Variants in CHLSN observed in about 807,000 individuals in gnomAD.
CHLSN encodes cholesin.
chr7:1,020,614 G>A, the CHLSN span, among the ~76,000 whole-genome samples: 856 of 152,334 alleles, frequency 5.6e-3, 10 homozygotes, highest in African/African-American at 0.019. Context: ...AGACCAAGAT[G>A]ATGTAAGGAA....
At chr7:1,060,964 G>C in the CHLSN span, among the ~76,000 whole-genome samples, 1 of 152,268 alleles carries the variant, frequency 6.6e-6, no homozygotes, top group South Asian at 2.1e-4. Flanking sequence ...CAGCTCTGCA[G>C]GGTGGGGTGT....
the CHLSN span, chr7:988,592 C>A: frequency 1.2e-6 from 2 of 1,600,018 alleles, no homozygotes; most frequent in Non-Finnish European, 8.5e-7. Flanking sequence ...CCTCCAGGAG[C>A]AGGCCTGGTG....
chr7:1,124,887 G>A, the CHLSN span, among the ~76,000 whole-genome samples: 1 of 152,194 alleles, frequency 6.6e-6, no homozygotes, highest in South Asian at 2.1e-4. Flanking sequence ...CAGGACCTCT[G>A]CACCTGCCAG....
chr7:1,128,763 C>G, the CHLSN span, among the ~76,000 whole-genome samples: 4 of 20,232 alleles, frequency 2.0e-4, no homozygotes, highest in Non-Finnish European at 2.4e-4. Flanking sequence ...GCAGTGGCGC[C>G]ATCTCGGCTC....
chr7:1,101,110 G>A, the CHLSN span, among the ~76,000 whole-genome samples: 1 of 152,254 alleles, frequency 6.6e-6, no homozygotes, highest in African/African-American at 2.4e-5. Flanking sequence ...GGTGACACGT[G>A]CGCCACGAGG....
At chr7:1,117,299 AT>A in the CHLSN span, among the ~76,000 whole-genome samples, 1 of 82,878 alleles carries the variant, frequency 1.2e-5, no homozygotes. Flanking sequence ...GGATGATGAC[AT>A]CACTACAGCT....
chr7:1,010,036 C>A, the CHLSN span: 32 of 1,610,438 alleles, frequency 2.0e-5, no homozygotes, highest in Admixed American at 1.7e-4. Context: ...GCAGACGCTG[C>A]CTCTCCTCTT....
chr7:1,034,595 A>G, the CHLSN span, among the ~76,000 whole-genome samples: 1 of 152,314 alleles, frequency 6.6e-6, no homozygotes, highest in East Asian at 1.9e-4. Flanking sequence ...GAGGTGCCCC[A>G]TGTTAGCAAT....
At chr7:1,089,540 T>G in the CHLSN span, among the ~76,000 whole-genome samples, 1 of 151,920 alleles carries the variant, frequency 6.6e-6, no homozygotes, top group African/African-American at 2.4e-5. Flanking sequence ...TGCCTCAGCC[T>G]CCCGAGTAGC....
the CHLSN span, among the ~76,000 whole-genome samples, chr7:1,121,387 ACAATCC>A: frequency 3.3e-5 from 5 of 152,256 alleles, no homozygotes; most frequent in Non-Finnish European, 7.3e-5. Flanking sequence ...TCAATGACAC[ACAATCC>A]CACTGCCAGG....
chr7:1,136,567 TAA>T, the CHLSN span, among the ~76,000 whole-genome samples: 2 of 41,490 alleles, frequency 4.8e-5, no homozygotes, highest in Non-Finnish European at 9.6e-5. Context: ...TATAAACATA[TAA>T]ACATAAACAT....
At chr7:1,005,825 C>G in the CHLSN span, among the ~76,000 whole-genome samples, 3 of 152,202 alleles carry the variant, frequency 2.0e-5, no homozygotes, top group African/African-American at 4.8e-5. Flanking sequence ...ATCCGTGTGG[C>G]CCGGGTCCCA....
the CHLSN span, among the ~76,000 whole-genome samples, chr7:1,107,267 A>G: frequency 6.6e-6 from 1 of 152,166 alleles, no homozygotes; most frequent in Non-Finnish European, 1.5e-5. Flanking sequence ...CAGCCCGCCT[A>G]GGAATGGGAG....
At chr7:1,019,862 G>A in the CHLSN span, among the ~76,000 whole-genome samples, 2 of 152,214 alleles carry the variant, frequency 1.3e-5, no homozygotes, top group African/African-American at 2.4e-5. Context: ...CCCAGGAAGT[G>A]GACAGTTCCC....
the CHLSN span, among the ~76,000 whole-genome samples, chr7:1,131,802 T>C: frequency 6.6e-6 from 1 of 152,364 alleles, no homozygotes; most frequent in African/African-American, 2.4e-5. Flanking sequence ...GTCTATTTGC[T>C]AATAAGGGAT....
the CHLSN span, among the ~76,000 whole-genome samples, chr7:1,102,573 T>A: frequency 6.9e-6 from 1 of 145,338 alleles, no homozygotes; most frequent in Non-Finnish European, 1.5e-5. Context: ...CACCTGTTTT[T>A]AAAATTTTTT....
chr7:991,349 C>A, the CHLSN span, among the ~76,000 whole-genome samples: 2 of 152,184 alleles, frequency 1.3e-5, no homozygotes, highest in Non-Finnish European at 2.9e-5. Context: ...ACAGCCAGGG[C>A]CCCCCAAGTT....
the CHLSN span, among the ~76,000 whole-genome samples, chr7:1,006,772 C>T: frequency 4.6e-5 from 7 of 152,078 alleles, no homozygotes; most frequent in South Asian, 2.1e-4. Context: ...AAAGAGCACA[C>T]GACGGCCACA....
chr7:1,068,827 G>T, the CHLSN span, among the ~76,000 whole-genome samples: 7 of 152,292 alleles, frequency 4.6e-5, no homozygotes, highest in East Asian at 9.6e-4. Flanking sequence ...ATTGTGGGCT[G>T]CAACAAAATG....
Sources: allele counts gnomAD v4.1 joint callset (sites outside exome capture counted in the v4.1 genomes callset), GRCh38; gene constraint gnomAD v4.1.1; transcripts MANE v1.5; gene names NCBI Gene and HGNC (gene_info 2026-07-23, HGNC 2026-07-21).